Variants in DENND1A observed in about 807,000 individuals in gnomAD.
The protein encoded by DENND1A is DENN domain-containing protein 1A.
A neutral mutation model predicts 113.7 loss-of-function variants in DENND1A; 51 were observed. That is an observed-to-expected ratio of 0.45 (90% CI 0.36 to 0.57). DENND1A has a LOEUF of 0.57. DENND1A is among the 20% of genes least tolerant of loss of function. The pLI is 0.00. For synonymous variants in DENND1A, 565 were observed against 570.8 expected (o/e 0.99, Z 0.14); for missense variants, 1,258 against 1,395.9 (o/e 0.90, Z 1.57).
At position 123,382,323 on chromosome 9, in the gene DENND1A, C is replaced by T. The variant is rs772792446; in HGVS notation, c.2322G>A (p.Val774=). ...CCGGGCGGGGAATGGGCGGTGGAGG[C>T]ACGATGCCCAGCTCTGGGGTCTTCC... ...QGRKTPELGI[V]PPPPIPRPAK... is the part of the protein sequence containing the mutation. Residue 774 remains valine (V), a synonymous_variant, in exon 24 of 24, where the codon GTG becomes GTA. Coordinates refer to ENST00000394215, the MANE Select transcript of DENND1A (RefSeq NM_001352964.2). 3.1e-6 allele frequency: 5 copies of T among 1,609,246 alleles called. No homozygotes were observed. The highest frequency in any genetic ancestry group is 1.7e-4 in the Middle Eastern group (1 of 6,036).
chr9:123,567,301 C>T (rs1346241194), intron 12 of DENND1A, among the ~76,000 whole-genome samples: 1 of 152,152 alleles, frequency 6.6e-6, no homozygotes, highest in African/African-American at 2.4e-5. Flanking sequence ...CAGTTGTCAA[C>T]ATGAATAAAC....
intron 1 of DENND1A, among the ~76,000 whole-genome samples, chr9:123,890,113 G>A (rs1364710116): frequency 2.6e-5 from 4 of 152,310 alleles, no homozygotes; most frequent in South Asian, 4.1e-4. Context: ...TCAAAACCGT[G>A]TCAGGTAATA....
chr9:123,878,137 A>C (rs1014860942), intron 2 of DENND1A, among the ~76,000 whole-genome samples: 1 of 151,816 alleles, frequency 6.6e-6, no homozygotes, highest in Admixed American at 6.6e-5. Flanking sequence ...CGGGAGGCAG[A>C]GGTTGCGGTG....
rs192896385 is a variant in DENND1A at position 123,498,757 on chromosome 9, C to G, written c.994-40860G>C. ...TTTTTTCTTGAGACAAAGTCTCGCT[C>G]TGTCTCCCAAGCTGGAGTACAGTGG... is the stretch of plus-strand genomic sequence containing the variant. On this transcript the variant is annotated intron_variant, in intron 13 of 23. Coordinates refer to ENST00000394215, the MANE Select transcript of DENND1A (RefSeq NM_001352964.2). Among the ~76,000 whole-genome samples, 81 of 151,690 alleles carry G rather than the reference C, an allele frequency of 5.3e-4. 1 individual carries two copies. The East Asian group carries it at 0.013, about 24-fold the overall frequency.
intron 1 of DENND1A, among the ~76,000 whole-genome samples, chr9:123,888,443 A>C (rs1170610036): frequency 1.3e-5 from 2 of 152,244 alleles, no homozygotes; most frequent in Non-Finnish European, 2.9e-5. Flanking sequence ...AAAATACTGA[A>C]TACAAGGGAG....
chr9:123,729,849 C>T (rs1381170419), intron 5 of DENND1A, among the ~76,000 whole-genome samples: 2 of 152,200 alleles, frequency 1.3e-5, no homozygotes, highest in Non-Finnish European at 2.9e-5. Context: ...CACTACCTGA[C>T]TTCAAACTAT....
intron 5 of DENND1A, among the ~76,000 whole-genome samples, chr9:123,738,250 G>T (rs2131013393): frequency 6.6e-6 from 1 of 152,200 alleles, no homozygotes; most frequent in Non-Finnish European, 1.5e-5. Flanking sequence ...AATTGTTTGT[G>T]GATTCTCCTT....
At chr9:123,856,485 C>T (rs1186137241) in intron 2 of DENND1A, among the ~76,000 whole-genome samples, 4 of 152,086 alleles carry the variant, frequency 2.6e-5, no homozygotes, top group Admixed American at 1.3e-4. Flanking sequence ...TCAGTGTCAA[C>T]GCAGTTTGAG....
At chr9:123,916,669 G>A (rs534463116) in intron 1 of DENND1A, among the ~76,000 whole-genome samples, 5 of 152,142 alleles carry the variant, frequency 3.3e-5, no homozygotes, top group African/African-American at 7.2e-5. Flanking sequence ...CACTGTGCCC[G>A]GCTGCCTTTT....
chr9:123,699,788 C>T (rs2065775896), intron 5 of DENND1A, among the ~76,000 whole-genome samples: 1 of 150,794 alleles, frequency 6.6e-6, no homozygotes, highest in African/African-American at 2.5e-5. Context: ...ACCTTTGCCT[C>T]CCAGGTTCAA....
At chr9:123,385,432 A>T (rs1301941775) in intron 22 of DENND1A, among the ~76,000 whole-genome samples, 3 of 152,090 alleles carry the variant, frequency 2.0e-5, no homozygotes, top group Admixed American at 1.3e-4. Context: ...CAAAGTGCTG[A>T]GATTACAGGT....
chr9:123,469,172 C>T (rs987139109), intron 13 of DENND1A, among the ~76,000 whole-genome samples: 1 of 152,216 alleles, frequency 6.6e-6, no homozygotes, highest in Non-Finnish European at 1.5e-5. Flanking sequence ...AGGCAGCTTT[C>T]TGAACCATTT....
intron 13 of DENND1A, among the ~76,000 whole-genome samples, chr9:123,497,912 A>G (rs2052090186): frequency 1.3e-5 from 2 of 152,194 alleles, no homozygotes; most frequent in South Asian, 4.1e-4. Flanking sequence ...AAAGCCACAA[A>G]AGGAGCAGTT....
rs540847935 is a variant in DENND1A at position 123,497,209 on chromosome 9, A to C, written c.994-39312T>G. ...CGACTTCCTTTACTCAAGTGTGCAC[A>C]TTTAGAACTTAGGGATGACTGCCCA... On this transcript the variant is annotated intron_variant, in intron 13 of 23. Transcript: ENST00000394215. 2.0e-5 allele frequency among the ~76,000 whole-genome samples: 3 copies of C among 152,326 alleles called. No homozygotes were observed. In the East Asian group the frequency reaches 5.8e-4, roughly 29 times the overall value.
At chr9:123,674,384 AC>A (rs2063936452) in intron 6 of DENND1A, among the ~76,000 whole-genome samples, 1 of 140,894 alleles carries the variant, frequency 7.1e-6, no homozygotes, top group Non-Finnish European at 1.5e-5. Context: ...ACACACACAC[AC>A]ACACACACAA....
At chr9:123,401,370 G>A (rs953082519) in intron 21 of DENND1A, 6 of 488,414 alleles carry the variant, frequency 1.2e-5, no homozygotes, top group African/African-American at 8.2e-5. Flanking sequence ...CATGGGAAGA[G>A]GCGTAGAAAA....
chr9:123,414,889 C>T (rs1453992001), intron 19 of DENND1A, among the ~76,000 whole-genome samples: 4 of 152,218 alleles, frequency 2.6e-5, no homozygotes, highest in Admixed American at 1.3e-4. Flanking sequence ...ACCATAGGGT[C>T]TAGTAGAGTA....
intron 13 of DENND1A, among the ~76,000 whole-genome samples, chr9:123,518,652 G>A (rs562872380): frequency 1.6e-4 from 25 of 152,116 alleles, no homozygotes; most frequent in Non-Finnish European, 3.5e-4. Flanking sequence ...AGAGCCCATG[G>A]GAATGGAGCT....
At chr9:123,783,308 T>C (rs768648864) in intron 3 of DENND1A, among the ~76,000 whole-genome samples, 2 of 152,236 alleles carry the variant, frequency 1.3e-5, no homozygotes, top group Non-Finnish European at 2.9e-5. Context: ...TTTACCTTTG[T>C]GACTTCTCTA....
Sources: gnomAD v4.1 joint callset for allele counts (sites outside exome capture counted in the v4.1 genomes callset) on GRCh38, gnomAD v4.1.1 for gene constraint, MANE v1.5 for transcripts, NCBI Gene and HGNC (gene_info 2026-07-23, HGNC 2026-07-21) for gene names.